The following PRKCQ variants were observed in gnomAD, a reference collection of about 807,000 sequenced individuals.
PRKCQ encodes the protein protein kinase C theta type.
A neutral mutation model predicts 91.2 loss-of-function variants in PRKCQ; 41 were observed. The ratio of observed to expected loss-of-function variants is 0.45; its 90% CI spans 0.35 to 0.58. The LOEUF (loss-of-function observed/expected upper bound fraction) is 0.58, where lower values mean the gene tolerates loss of function less well. PRKCQ is among the 20% of genes least tolerant of loss of function. The pLI, the probability that PRKCQ is intolerant of heterozygous loss-of-function variation, is 0.00. For synonymous variants in PRKCQ, 307 were observed against 316.9 expected (o/e 0.97, Z 0.33); for missense variants, 673 against 896.5 (o/e 0.75, Z 3.18).
chr10:6,463,488 T>C (rs923648239), intron 13 of PRKCQ, among the ~76,000 whole-genome samples: 5 of 152,156 alleles, frequency 3.3e-5, no homozygotes, highest in Non-Finnish European at 7.4e-5. Context: ...TCTGGGTGCA[T>C]TGCTGAGGTT....
chr10:6,502,020 A>G (rs1837943672), intron 4 of PRKCQ, among the ~76,000 whole-genome samples: 2 of 152,200 alleles, frequency 1.3e-5, no homozygotes, highest in South Asian at 4.1e-4. Flanking sequence ...TGCCAAGGTG[A>G]GTCCAGCTGA....
chr10:6,544,528 T>C (rs1839883357), intron 1 of PRKCQ, among the ~76,000 whole-genome samples: 1 of 152,198 alleles, frequency 6.6e-6, no homozygotes, highest in African/African-American at 2.4e-5. Flanking sequence ...TCTTCACTTA[T>C]TGGTTCTATT....
chr10:6,568,482 G>T (rs1840913703), intron 1 of PRKCQ, among the ~76,000 whole-genome samples: 1 of 149,484 alleles, frequency 6.7e-6, no homozygotes, highest in African/African-American at 2.5e-5. Context: ...TTTATTTCCT[G>T]ATCACTCTTA....
intron 7 of PRKCQ, among the ~76,000 whole-genome samples, chr10:6,493,063 A>G (rs905419023): frequency 3.3e-5 from 5 of 152,236 alleles, no homozygotes; most frequent in African/African-American, 4.8e-5. Context: ...TAATAGGTCA[A>G]GGTCCAGGCT....
chr10:6,532,309 T>G (rs1282948376), intron 1 of PRKCQ, among the ~76,000 whole-genome samples: 2 of 152,244 alleles, frequency 1.3e-5, no homozygotes, highest in Non-Finnish European at 2.9e-5. Context: ...GCTTAGCTTC[T>G]TTAAGAAAAA....
the PRKCQ span, among the ~76,000 whole-genome samples, chr10:6,416,696 T>C: frequency 2.0e-5 from 3 of 152,236 alleles, no homozygotes; most frequent in Admixed American, 6.5e-5. Context: ...GTCTTTTTCA[T>C]AGAAGGACTT....
chr10:6,417,426 C>T, the PRKCQ span, among the ~76,000 whole-genome samples: 1 of 152,228 alleles, frequency 6.6e-6, no homozygotes, highest in South Asian at 2.1e-4. Context: ...TTATTACATG[C>T]ACCTGCAGAG....
intron 1 of PRKCQ, among the ~76,000 whole-genome samples, chr10:6,574,914 C>T (rs534626996): frequency 1.4e-4 from 21 of 152,268 alleles, no homozygotes; most frequent in East Asian, 7.7e-4. Context: ...GACAGCTCTG[C>T]GACACCCCAA....
rs1159842018 is a variant in PRKCQ at position 6,462,394 on chromosome 10, T to C, written c.1446-29A>G. 3 of 1,606,484 alleles carry C rather than the reference T, an allele frequency of 1.9e-6. No individual in the cohort carries two copies. In the South Asian group the frequency reaches 3.3e-5, roughly 18 times the overall value. ...GGGGAAGGAGAACCAAGGTTCAACA[T>C]GAATGTTGTCATGGAACGAAATAAA... On this transcript the variant is annotated intron_variant, in intron 13 of 17. Transcript: ENST00000263125.
At chr10:6,394,578 G>T in the PRKCQ span, among the ~76,000 whole-genome samples, 4 of 152,178 alleles carry the variant, frequency 2.6e-5, no homozygotes, top group Non-Finnish European at 5.9e-5. Context: ...GTAGTGTTAC[G>T]TGCCAGGGGC....
intron 7 of PRKCQ, 26 bp from the exon 8 acceptor site, chr10:6,491,838 CTG>C (rs774350009): frequency 1.2e-6 from 2 of 1,614,002 alleles, no homozygotes; most frequent in South Asian, 1.1e-5. Context: ...AAGGTGAAAT[CTG>C]TGTATTCCTG....
intron 8 of PRKCQ, 128 bp downstream of exon 8, chr10:6,491,555 G>C: frequency 7.7e-7 from 1 of 1,292,548 alleles, no homozygotes; most frequent in Non-Finnish European, 1.1e-6. Context: ...CCATACTTAT[G>C]ATCATGACTT....
At chr10:6,418,393 C>T in the PRKCQ span, among the ~76,000 whole-genome samples, 3 of 152,266 alleles carry the variant, frequency 2.0e-5, no homozygotes, top group East Asian at 1.9e-4. Context: ...CAGTCTGGGC[C>T]GGCTCTGACG....
chr10:6,450,364 C>G (rs1303069454), intron 15 of PRKCQ, among the ~76,000 whole-genome samples: 1 of 124,910 alleles, frequency 8.0e-6, no homozygotes, highest in Non-Finnish European at 1.7e-5. Context: ...GGGATCAATT[C>G]AACAAGAAGA....
chr10:6,487,620 C>A (rs1837001044), intron 8 of PRKCQ, among the ~76,000 whole-genome samples: 1 of 152,162 alleles, frequency 6.6e-6, no homozygotes, highest in African/African-American at 2.4e-5. Flanking sequence ...ACCAAGAGAT[C>A]CCTCTTGGAC....
Position 6,464,742 on chromosome 10 carries a change from C to G in PRKCQ, c.1354-338G>C, listed in dbSNP as rs528697598. Among the ~76,000 whole-genome samples, 9 of 152,346 alleles carry G rather than the reference C, an allele frequency of 5.9e-5. No homozygotes were observed. In the East Asian group the frequency reaches 1.7e-3, roughly 29 times the overall value. On this transcript the variant is annotated intron_variant, in intron 12 of 17. Transcript: ENST00000263125. The stretch of plus-strand genomic sequence containing the variant: ...GGATTACAGGCGTGAGCCGCCATAC[C>G]CAGTCACAGTTCCAATTTTTAGCTC...
chr10:6,425,897 AAC>A (rs1193887148), downstream of PRKCQ, among the ~76,000 whole-genome samples: 8 of 152,188 alleles, frequency 5.3e-5, no homozygotes, highest in African/African-American at 1.9e-4. Context: ...TCTAAGAGCC[AAC>A]AGTCTTCACT....
chr10:6,568,841 A>C (rs1192388524), intron 1 of PRKCQ, among the ~76,000 whole-genome samples: 1 of 152,028 alleles, frequency 6.6e-6, no homozygotes, highest in Non-Finnish European at 1.5e-5. Flanking sequence ...GTGGTCCACA[A>C]AGCAGGATGC....
At chr10:6,496,109 A>G (rs1837569740) in intron 7 of PRKCQ, among the ~76,000 whole-genome samples, 1 of 151,382 alleles carries the variant, frequency 6.6e-6, no homozygotes, top group Non-Finnish European at 1.5e-5. Context: ...CCAGCTACTC[A>G]GGAGGCTGAG....
Sources: allele counts gnomAD v4.1 joint callset (sites outside exome capture counted in the v4.1 genomes callset), GRCh38; gene constraint gnomAD v4.1.1; transcripts MANE v1.5; gene names NCBI Gene and HGNC (gene_info 2026-07-23, HGNC 2026-07-21).